The following MYO9A variants were observed in gnomAD, a reference collection of about 807,000 sequenced individuals.
The protein encoded by MYO9A is myosin IXA.
MYO9A carries 103 observed loss-of-function variants against 293.3 expected under a neutral mutation model. The observed-to-expected ratio is 0.35, with a 90% CI of 0.30 to 0.41. The LOEUF is 0.41. MYO9A is among the 10% of genes least tolerant of loss of function. MYO9A has a pLI of 1.00. For missense variants in MYO9A, 2,685 were observed against 3,033.0 expected (o/e 0.89, Z 2.69); for synonymous variants, 1,001 against 1,035.7 (o/e 0.97, Z 0.64).
chr15:71,853,505 T>C (rs1478420486), intron 35 of MYO9A, among the ~76,000 whole-genome samples: 1 of 152,228 alleles, frequency 6.6e-6, no homozygotes, highest in South Asian at 2.1e-4. Flanking sequence ...AAGTCTCTTG[T>C]AGACGGAACC....
At chr15:71,957,582 A>C (rs779832544) in intron 14 of MYO9A, among the ~76,000 whole-genome samples, 12 of 152,166 alleles carry the variant, frequency 7.9e-5, no homozygotes, top group Non-Finnish European at 1.5e-4. Context: ...GGTGATACCC[A>C]AATCAATTTT....
intron 23 of MYO9A, among the ~76,000 whole-genome samples, chr15:71,900,263 T>A (rs1353188335): frequency 6.6e-6 from 1 of 151,866 alleles, no homozygotes; most frequent in Non-Finnish European, 1.5e-5. Context: ...TGAAACCCCG[T>A]CTCTACTAAA....
At chr15:71,941,781 G>A (rs1253531127) in intron 15 of MYO9A, among the ~76,000 whole-genome samples, 1 of 151,950 alleles carries the variant, frequency 6.6e-6, no homozygotes, top group African/African-American at 2.4e-5. Flanking sequence ...AAAGGTACAC[G>A]ACATATGAAG....
intron 9 of MYO9A, among the ~76,000 whole-genome samples, chr15:71,997,773 C>T (rs911560996): frequency 3.9e-5 from 6 of 152,030 alleles, no homozygotes; most frequent in East Asian, 1.9e-4. Context: ...CAATGAGATA[C>T]CATCTCACGT....
chr15:71,959,986 A>C lies in MYO9A; in HGVS notation c.2097T>G (p.Val699=), dbSNP rs192178235. ...AAGCTCGGAGAATTGCCCATCGGAA[A>C]ACAGCTACAGGATCAATTCCAATCA... ...SGMIGIDPVA[V]FRWAILRAFF... The change falls in exon 14 of 42, where the codon GTT becomes GTG. Residue 699 remains valine (V), a synonymous_variant. Transcript: ENST00000356056. 4.3e-6 allele frequency: 7 copies of C among 1,614,042 alleles called. No individual in the cohort carries two copies. In the African/African-American group the frequency reaches 8.0e-5, roughly 18 times the overall value.
chr15:71,977,211 A>G (rs11635817), intron 12 of MYO9A, among the ~76,000 whole-genome samples: 4,706 of 152,298 alleles, frequency 0.031, 110 homozygotes, highest in Non-Finnish European at 0.048. Context: ...AGACATTACT[A>G]ATTTACCATA....
chr15:72,101,390 G>A (rs1420161628), intron 1 of MYO9A, among the ~76,000 whole-genome samples: 105 of 144,680 alleles, frequency 7.3e-4, no homozygotes, highest in South Asian at 4.8e-3. Flanking sequence ...GGTGAGGGGC[G>A]CCTCTGCCTG....
chr15:72,018,685 A>G (rs146333500), intron 6 of MYO9A, among the ~76,000 whole-genome samples: 1 of 152,312 alleles, frequency 6.6e-6, no homozygotes, highest in African/African-American at 2.4e-5. Flanking sequence ...TGAAACTACT[A>G]AAAAATAATT....
intron 1 of MYO9A, among the ~76,000 whole-genome samples, chr15:72,076,186 T>A (rs945738860): frequency 6.6e-6 from 1 of 151,634 alleles, no homozygotes; most frequent in Admixed American, 6.6e-5. Flanking sequence ...GTGCCTGTAA[T>A]ACCAGCTACT....
intron 18 of MYO9A, among the ~76,000 whole-genome samples, chr15:71,928,387 G>A (rs1331710943): frequency 2.0e-5 from 3 of 151,542 alleles, no homozygotes; most frequent in Non-Finnish European, 4.4e-5. Context: ...CCTCCATCCA[G>A]CTTTGTTCTT....
intron 8 of MYO9A, 33 bp from the exon 9 acceptor site, chr15:71,999,973 G>A: frequency 6.5e-7 from 1 of 1,531,074 alleles, no homozygotes; most frequent in Non-Finnish European, 8.9e-7. Flanking sequence ...CAATATGTAA[G>A]ATTTATGACA....
At chr15:71,849,710 G>A (rs1007225516) in intron 38 of MYO9A, among the ~76,000 whole-genome samples, 1 of 42,498 alleles carries the variant, frequency 2.4e-5, no homozygotes, top group Non-Finnish European at 1.8e-4. Context: ...AAAGGATTCA[G>A]AGCCATTAAG....
intron 1 of MYO9A, among the ~76,000 whole-genome samples, chr15:72,067,561 G>A (rs1053165764): frequency 5.3e-5 from 8 of 152,082 alleles, no homozygotes; most frequent in African/African-American, 1.2e-4. Context: ...GATTACAGGC[G>A]TGAGCCACCA....
chr15:72,060,343 TA>T (rs2078844303), intron 1 of MYO9A, among the ~76,000 whole-genome samples: 1 of 152,074 alleles, frequency 6.6e-6, no homozygotes, highest in African/African-American at 2.4e-5. Context: ...TGGATACTTA[TA>T]ATCAAAACTT....
Position 71,880,548 on chromosome 15 carries a change from T to G in MYO9A, c.5409A>C (p.Ala1803=). The change falls in exon 29 of 42, where the codon GCA becomes GCC. Residue 1803 remains alanine (A), a synonymous_variant. Transcript: ENST00000356056. ...PAHQFPDELA[A]YHPTPPLSPE... ...GGCTCAAAGGAGGTGTTGGGTGATA[T>G]GCAGCTAATTCTACAATTCAAGATA... 6.2e-7 allele frequency: 1 copy of G among 1,613,442 alleles called. No homozygotes were observed. The highest frequency in any genetic ancestry group is 2.2e-5 in the East Asian group (1 of 44,874).
chr15:71,912,261 T>TG (rs1327075102), intron 19 of MYO9A, among the ~76,000 whole-genome samples: 4 of 152,004 alleles, frequency 2.6e-5, no homozygotes, highest in Non-Finnish European at 4.4e-5. Flanking sequence ...GAGAAAAGTT[T>TG]TTTTTTTTTT....
intron 30 of MYO9A, 54 bp from the exon 31 acceptor site, chr15:71,878,285 T>C (rs1394513317): frequency 3.2e-6 from 4 of 1,265,946 alleles, no homozygotes; most frequent in African/African-American, 1.5e-5. Context: ...TCCTTAAATA[T>C]AGAGGAAAGA....
At chr15:72,076,410 T>G (rs907259442) in intron 1 of MYO9A, among the ~76,000 whole-genome samples, 1 of 151,820 alleles carries the variant, frequency 6.6e-6, no homozygotes, top group Non-Finnish European at 1.5e-5. Flanking sequence ...ATTTGGCAAG[T>G]TCAAAAGATA....
At chr15:71,980,799 C>T (rs901249510) in intron 11 of MYO9A, among the ~76,000 whole-genome samples, 1 of 152,218 alleles carries the variant, frequency 6.6e-6, no homozygotes, top group African/African-American at 2.4e-5. Context: ...GATTGCGCCA[C>T]TGCACTCCAC....
Sources: gnomAD v4.1 joint callset for allele counts (sites outside exome capture counted in the v4.1 genomes callset) on GRCh38, gnomAD v4.1.1 for gene constraint, MANE v1.5 for transcripts, NCBI Gene and HGNC (gene_info 2026-07-23, HGNC 2026-07-21) for gene names.